Variants in CLEC17A observed in about 807,000 individuals in gnomAD.
CLEC17A encodes C-type lectin domain containing 17A.
In CLEC17A, 37 loss-of-function variants were observed where a neutral mutation model predicts 61.3. The observed-to-expected ratio is 0.60, with a 90% confidence interval of 0.46 to 0.79. CLEC17A has a LOEUF of 0.79. Ranked by LOEUF, CLEC17A falls within the 30% of genes least tolerant of loss-of-function variation. CLEC17A has a pLI of 0.00. For missense variants in CLEC17A, 418 were observed against 464.7 expected (o/e 0.90, Z 0.92); for synonymous variants, 168 against 164.9 (o/e 1.02, Z -0.14).
intron 3 of CLEC17A, among the ~76,000 whole-genome samples, chr19:14,588,842 A>T (rs1373765327): frequency 6.6e-6 from 1 of 151,850 alleles, no homozygotes; most frequent in Non-Finnish European, 1.5e-5. Flanking sequence ...TATATCCCCC[A>T]TCTCTGAGTC....
intron 2 of CLEC17A, 103 bp downstream of exon 2, chr19:14,583,537 C>A (rs919638557): frequency 3.5e-5 from 54 of 1,554,996 alleles, no homozygotes; most frequent in African/African-American, 2.6e-4. Context: ...TCCTCTGTAT[C>A]CAGCCCATGC....
intron 7 of CLEC17A, 104 bp downstream of exon 7, chr19:14,594,904 C>CAAAA: frequency 2.6e-6 from 3 of 1,158,882 alleles, no homozygotes; most frequent in Non-Finnish European, 3.7e-6. Flanking sequence ...GACAGAGTCT[C>CAAAA]ACTGTCATCC....
Position 14,597,010 on chromosome 19 carries a change from A to T in CLEC17A, c.580A>T (p.Lys194Ter). 1 of 1,610,114 alleles carries T rather than the reference A, an allele frequency of 6.2e-7. No homozygotes were observed. The highest frequency in any genetic ancestry group is 8.5e-7 in the Non-Finnish European group (1 of 1,178,214). ...GCLGLTVTLI[K>*]YQELMEELRM... ...CCTTGGTCTCACTGTGACCCTGATT[A>T]AGTGTGAGTAGGGCCAGGAAGGGAC... The change falls in exon 9 of 14, where the codon AAG becomes TAG. Residue 194 changes from lysine to a stop codon, truncating the protein, a stop_gained. Transcript: ENST00000417570. LOFTEE classifies it high-confidence loss of function.
intron 12 of CLEC17A, among the ~76,000 whole-genome samples, chr19:14,601,125 A>C (rs1409005431): frequency 1.4e-5 from 2 of 144,412 alleles, no homozygotes; most frequent in Non-Finnish European, 3.0e-5. Context: ...CTGTTCTCGA[A>C]CTCCTGACTT....
chr19:14,582,267 C>T (rs2074191159), upstream of CLEC17A, among the ~76,000 whole-genome samples: 1 of 149,870 alleles, frequency 6.7e-6, no homozygotes, highest in East Asian at 2.0e-4. Context: ...GGCTGGAGTG[C>T]AGTGGTGCGA....
At position 14,598,204 on chromosome 19, in the gene CLEC17A, C is replaced by T. The variant is rs535390219; in HGVS notation, c.646+1043C>T. On this transcript the variant is annotated intron_variant, in intron 10 of 13. Coordinates refer to ENST00000417570, the MANE Select transcript of CLEC17A (RefSeq NM_001204118.2). ...GGCACAGTGGCTCATGTCTGTAATC[C>T]TAGCACTTTGGGTGGCCAAGGTGGG... Among the ~76,000 whole-genome samples, 3 of 152,244 alleles carry T rather than the reference C, an allele frequency of 2.0e-5. No individual in the cohort carries two copies. The South Asian group carries it at 6.2e-4, about 32-fold the overall frequency.
intron 7 of CLEC17A, among the ~76,000 whole-genome samples, 196 bp from the exon 8 acceptor site, chr19:14,595,078 G>A (rs2074510958): frequency 6.6e-6 from 1 of 152,120 alleles, no homozygotes; most frequent in Non-Finnish European, 1.5e-5. Flanking sequence ...TGCCATGTTG[G>A]CCAGGCTGGT....
At position 14,607,162 on chromosome 19, in the gene CLEC17A, G is replaced by C. The variant is rs181049208; in HGVS notation, c.1004+60G>C. On this transcript the variant is annotated intron_variant, in intron 13 of 13. Coordinates refer to ENST00000417570, the MANE Select transcript of CLEC17A (RefSeq NM_001204118.2). The stretch of plus-strand genomic sequence containing the variant: ...CCTCTGTGGGCCCTGACCATGGGGA[G>C]GGGAGAAGGTGATGGAGTACATGGT... The C allele has an allele frequency of 4.9e-5, 36 of 740,906 alleles. No individual in the cohort carries two copies. In the African/African-American group the frequency reaches 6.2e-4, roughly 13 times the overall value. The allele number at this position is 740,906 out of a possible 1,614,324, so 45.9% of individuals were successfully genotyped here.
At chr19:14,590,408 G>A (rs1178190510) in intron 3 of CLEC17A, among the ~76,000 whole-genome samples, 13 of 144,144 alleles carry the variant, frequency 9.0e-5, no homozygotes, top group Admixed American at 2.1e-4. Flanking sequence ...TTTTTCTTGA[G>A]ACGGAGTTTC....
chr19:14,606,634 C>T (rs954209355), intron 12 of CLEC17A, among the ~76,000 whole-genome samples: 7 of 149,744 alleles, frequency 4.7e-5, no homozygotes, highest in African/African-American at 1.7e-4. Context: ...GAGCTGAGAT[C>T]GCACCACAGC....
intron 8 of CLEC17A, among the ~76,000 whole-genome samples, chr19:14,595,706 G>T (rs1327771698): frequency 7.0e-6 from 1 of 142,356 alleles, no homozygotes; most frequent in Admixed American, 6.8e-5. Flanking sequence ...TGATGGTGAT[G>T]GTGGAGATAC....
intron 2 of CLEC17A, chr19:14,584,300 G>C (rs1197256398): frequency 6.6e-6 from 1 of 152,166 alleles, no homozygotes. Context: ...GTTGGAAACG[G>C]AGCAGTTCGA....
intron 5 of CLEC17A, 33 bp from the exon 6 acceptor site, chr19:14,594,599 T>C: frequency 6.2e-7 from 1 of 1,613,520 alleles, no homozygotes; most frequent in Non-Finnish European, 8.5e-7. Context: ...TTTGCCCTGC[T>C]CTGGCCCTGA....
intron 2 of CLEC17A, 63 bp downstream of exon 2, chr19:14,583,497 T>C: frequency 4.4e-6 from 7 of 1,602,626 alleles, no homozygotes; most frequent in Non-Finnish European, 6.0e-6. Flanking sequence ...CAGTGGGCAT[T>C]GGTTGGGCAT....
chr19:14,594,397 C>T, intron 4 of CLEC17A, 120 bp from the exon 5 acceptor site: 3 of 1,339,402 alleles, frequency 2.2e-6, no homozygotes, highest in Non-Finnish European at 3.1e-6. Flanking sequence ...TTCTTACGTC[C>T]AACCCCGTCT....
intron 2 of CLEC17A, among the ~76,000 whole-genome samples, chr19:14,585,357 A>G (rs1290752629): frequency 6.6e-6 from 1 of 152,246 alleles, no homozygotes; most frequent in Non-Finnish European, 1.5e-5. Context: ...CTCAGGGTCT[A>G]CATATATGAC....
intron 10 of CLEC17A, among the ~76,000 whole-genome samples, chr19:14,597,788 T>C (rs1405667966): frequency 1.3e-5 from 2 of 152,092 alleles, no homozygotes; most frequent in African/African-American, 4.8e-5. Context: ...TTTTTTTGTA[T>C]AGAAGAGGTC....
rs1346145627 is a variant in CLEC17A, at chr19:14,610,066, T to C, written c.1007T>C (p.Phe336Ser). The change falls in exon 14 of 14, where the codon TTC (phenylalanine) becomes TCC (serine). Residue 336 changes from phenylalanine (F) to serine (S), a missense_variant and splice_region_variant. Coordinates refer to ENST00000417570, the MANE Select transcript of CLEC17A (RefSeq NM_001204118.2). ...WLDGSPVTLS[F>S]WEPEEPNNIH... The stretch of plus-strand genomic sequence containing the variant: ...TGCCCACTTTTTCCTCCATCCAGCT[T>C]CTGGGAGCCAGAGGAACCCAATAAC... 2 of 1,612,968 alleles carry C rather than the reference T, an allele frequency of 1.2e-6. No homozygotes were observed.
chr19:14,589,999 C>T (rs2146679231), intron 3 of CLEC17A, among the ~76,000 whole-genome samples: 1 of 139,228 alleles, frequency 7.2e-6, no homozygotes, highest in Non-Finnish European at 1.5e-5. Context: ...AGATGACTTG[C>T]AGTCCCAGGC....
Sources: allele counts gnomAD v4.1 joint callset (sites outside exome capture counted in the v4.1 genomes callset), GRCh38; gene constraint gnomAD v4.1.1; transcripts MANE v1.5; gene names NCBI Gene and HGNC (gene_info 2026-07-23, HGNC 2026-07-21).